The following SRFBP1 variants were observed in gnomAD, a reference collection of about 807,000 sequenced individuals.
SRFBP1 encodes serum response factor binding protein 1.
In SRFBP1, 47 loss-of-function variants were observed where a neutral mutation model predicts 45.5. That is an observed-to-expected ratio of 1.03 (90% confidence interval 0.82 to 1.32). SRFBP1 has a LOEUF of 1.32. Ranked by LOEUF, SRFBP1 falls within the 40% of genes most tolerant of loss-of-function variation. The probability of loss-of-function intolerance (pLI) is 0.00; values close to 1 mark genes in which losing one functional copy is unlikely to be tolerated. For missense variants in SRFBP1, 621 were observed against 484.6 expected, an observed-to-expected ratio of 1.28 and a Z score of -2.64; for synonymous variants, 203 against 166.3, an observed-to-expected ratio of 1.22 and a Z score of -1.70.
At chr5:122,024,766 C>G (rs1377328001) in intron 7 of SRFBP1, among the ~76,000 whole-genome samples, 1 of 152,090 alleles carries the variant, frequency 6.6e-6, no homozygotes, top group African/African-American at 2.4e-5. Context: ...ATAAGACATA[C>G]CTACATTTTC....
downstream of SRFBP1, among the ~76,000 whole-genome samples, chr5:122,031,549 C>A (rs1208785430): frequency 1.3e-5 from 2 of 151,986 alleles, no homozygotes; most frequent in African/African-American, 4.8e-5. Context: ...CGAAGAAAAG[C>A]CAAAAAGGAA....
chr5:121,999,224 G>C (rs1389716379), intron 4 of SRFBP1, among the ~76,000 whole-genome samples: 1 of 151,896 alleles, frequency 6.6e-6, no homozygotes, highest in East Asian at 1.9e-4. Flanking sequence ...AACCCTCTTT[G>C]ATTCATGGTT....
In SRFBP1 at chr5:121,999,164, G is replaced by T. The variant is rs560639296; in HGVS notation, c.270+4494G>T. 3.3e-5 allele frequency among the ~76,000 whole-genome samples: 5 copies of T among 152,068 alleles called. No individual in the cohort carries two copies. In the South Asian group the frequency reaches 1.0e-3, roughly 31 times the overall value. ...ACTTTAGCTGCATCTCATAAATTTT[G>T]TTATGCTGTATTTTCTTTTCTTAGT... On this transcript the variant is annotated intron_variant, in intron 4 of 7. Coordinates refer to ENST00000339397, the MANE Select transcript of SRFBP1 (RefSeq NM_152546.3).
chr5:122,006,687 C>T (rs1375397309), intron 4 of SRFBP1, among the ~76,000 whole-genome samples: 1 of 151,922 alleles, frequency 6.6e-6, no homozygotes, highest in South Asian at 2.1e-4. Context: ...TGTTGGTGTT[C>T]TCCATTAAAT....
intron 2 of SRFBP1, among the ~76,000 whole-genome samples, chr5:122,061,721 C>A (rs908790715): frequency 6.6e-6 from 1 of 151,918 alleles, no homozygotes; most frequent in African/African-American, 2.4e-5. Flanking sequence ...TTCAAGTTAT[C>A]TAACAAATAG....
chr5:122,078,127 A>C, downstream of SRFBP1: 1 of 719,490 alleles, frequency 1.4e-6, no homozygotes, highest in Non-Finnish European at 2.0e-6. Context: ...CCACCAAGCA[A>C]TGCCAAGGGT....
rs570665691 is a variant in SRFBP1, at chr5:121,992,383, T to TTTG, written c.199-2201_199-2199dup. On this transcript the variant is annotated intron_variant, in intron 3 of 7. Coordinates refer to ENST00000339397, the MANE Select transcript of SRFBP1 (RefSeq NM_152546.3). Reference sequence around the variant, plus strand: ...CCACCATTTCCCACACTTTCGTTTTTTTGTTGTTGTTGTTGTTTTGTTTTG... The same window carrying TTTG: ...CCACCATTTCCCACACTTTCGTTTTTTTGTTGTTGTTGTTGTTGTTTTGTTTTG... Among the ~76,000 whole-genome samples, 15 of 152,170 alleles carry TTTG rather than the reference T, an allele frequency of 9.9e-5. No individual in the cohort carries two copies. In the East Asian group the frequency reaches 2.3e-3, roughly 23 times the overall value.
rs532123217 is a variant in SRFBP1, at chr5:122,026,988, G to A, written c.1152G>A (p.Lys384=). 1 of 1,612,908 alleles carries A rather than the reference G, an allele frequency of 6.2e-7. No individual in the cohort carries two copies. The highest frequency in any genetic ancestry group is 8.5e-7 in the Non-Finnish European group (1 of 1,179,738). ...EPQIKNQFNK[K]LSGRLENTKQ... Reference sequence around the variant, plus strand: ...AGATCAAGAATCAGTTTAATAAGAAGCTATCAGGAAGACTTGAAAATACAA... The same window carrying A: ...AGATCAAGAATCAGTTTAATAAGAAACTATCAGGAAGACTTGAAAATACAA... The change falls in exon 8 of 8, where the codon AAG becomes AAA. Residue 384 remains lysine (K), a synonymous_variant. Coordinates refer to ENST00000339397, the MANE Select transcript of SRFBP1 (RefSeq NM_152546.3).
chr5:121,980,152 C>T (rs551454822), intron 3 of SRFBP1, among the ~76,000 whole-genome samples: 66 of 152,272 alleles, frequency 4.3e-4, no homozygotes, highest in Non-Finnish European at 7.4e-4. Context: ...AATAATCTTC[C>T]TTTTAGCCTT....
At chr5:122,008,261 G>C (rs7726534) in intron 4 of SRFBP1, among the ~76,000 whole-genome samples, 3,566 of 152,018 alleles carry the variant, frequency 0.023, 142 homozygotes, top group African/African-American at 0.081. Context: ...CCTGTCTTGG[G>C]ACAACCGAGA....
intron 4 of SRFBP1, among the ~76,000 whole-genome samples, chr5:122,014,066 A>G (rs957037410): frequency 2.6e-5 from 4 of 152,202 alleles, no homozygotes; most frequent in Non-Finnish European, 2.9e-5. Context: ...ATAAATGTTT[A>G]AAGTGGTAGA....
At chr5:122,077,013 C>T, downstream of SRFBP1, 1 of 1,612,120 alleles carries the variant, frequency 6.2e-7, no homozygotes, top group Non-Finnish European at 8.5e-7. The surrounding 1 kb of genome is among the most constrained non-coding windows in gnomAD (Gnocchi z 4.9). Flanking sequence ...TAAACGTCAG[C>T]AGGCGACGGG....
intron 4 of SRFBP1, among the ~76,000 whole-genome samples, chr5:122,004,027 C>T (rs938212235): frequency 1.2e-4 from 19 of 152,156 alleles, no homozygotes; most frequent in African/African-American, 2.9e-4. Context: ...CTCTACCTCC[C>T]GAGTTCAAGC....
downstream of SRFBP1, among the ~76,000 whole-genome samples, chr5:122,031,433 C>G (rs78262607): frequency 0.044 from 6,758 of 152,196 alleles, 176 homozygotes; most frequent in African/African-American, 0.06. Flanking sequence ...CCAGACTTCA[C>G]ACTTACTCAA....
At chr5:122,034,397 TATG>T (rs1211675565) in intron 2 of SRFBP1, among the ~76,000 whole-genome samples, 13 of 152,318 alleles carry the variant, frequency 8.5e-5, no homozygotes, top group Non-Finnish European at 1.8e-4. Flanking sequence ...TAGGAAGGTT[TATG>T]TTTCTGTTGT....
chr5:122,009,667 G>C (rs781561529), intron 4 of SRFBP1, among the ~76,000 whole-genome samples: 23 of 152,132 alleles, frequency 1.5e-4, no homozygotes, highest in Admixed American at 4.6e-4. Flanking sequence ...TGTATGTGTA[G>C]CTCTTTGTAG....
chr5:121,990,333 G>A (rs2913409), intron 3 of SRFBP1, among the ~76,000 whole-genome samples: 133,768 of 152,210 alleles, frequency 0.88, 58,908 homozygotes, highest in East Asian at 0.96. Flanking sequence ...AGAAAAGCAA[G>A]TACTTCATGT....
At chr5:121,981,971 T>G (rs1288644691) in intron 3 of SRFBP1, among the ~76,000 whole-genome samples, 1 of 151,968 alleles carries the variant, frequency 6.6e-6, no homozygotes, top group Non-Finnish European at 1.5e-5. Flanking sequence ...TGCAATTTTT[T>G]TTTTTTACAT....
downstream of SRFBP1, among the ~76,000 whole-genome samples, chr5:122,033,544 T>A (rs1753625404): frequency 6.6e-6 from 1 of 151,944 alleles, no homozygotes; most frequent in African/African-American, 2.4e-5. Flanking sequence ...CACTGCAACC[T>A]CTGCCTCTCA....
Sources: allele counts gnomAD v4.1 joint callset (sites outside exome capture counted in the v4.1 genomes callset), GRCh38; gene constraint gnomAD v4.1.1; non-coding constraint Gnocchi (gnomAD v3.1); transcripts MANE v1.5; gene names NCBI Gene and HGNC (gene_info 2026-07-23, HGNC 2026-07-21).